Variants in HECW1 observed in about 807,000 individuals in gnomAD.
The protein encoded by HECW1 is HECT, C2 and WW domain containing E3 ubiquitin protein ligase 1.
In HECW1, 61 loss-of-function variants were observed where a neutral mutation model predicts 182.3. The observed-to-expected ratio is 0.33, with a 90% CI of 0.27 to 0.41. The LOEUF (loss-of-function observed/expected upper bound fraction) is 0.41. HECW1 is among the 10% of genes least tolerant of loss of function. The probability of loss-of-function intolerance (pLI) is 1.00; values close to 1 mark genes in which losing one functional copy is unlikely to be tolerated. For missense variants in HECW1, 1,739 were observed against 2,108.9 expected, an observed-to-expected ratio of 0.82 and a Z score of 3.44; for synonymous variants, 859 against 832.6, an observed-to-expected ratio of 1.03 and a Z score of -0.55.
intron 2 of HECW1, among the ~76,000 whole-genome samples, chr7:43,153,030 G>A (rs757026537): frequency 4.6e-5 from 7 of 152,140 alleles, no homozygotes; most frequent in Non-Finnish European, 7.3e-5. Flanking sequence ...AAGAGGATGC[G>A]AGAGCCAGCT....
chr7:43,157,152 C>G (rs748294055), intron 2 of HECW1, among the ~76,000 whole-genome samples: 1 of 152,092 alleles, frequency 6.6e-6, no homozygotes, highest in South Asian at 2.1e-4. Flanking sequence ...TAAAAAAGTA[C>G]CACTCAGACT....
intron 3 of HECW1, chr7:43,274,354 C>T (rs1374319147): frequency 4.2e-6 from 3 of 713,572 alleles, no homozygotes; most frequent in East Asian, 2.8e-5. Flanking sequence ...CTACTGTGGA[C>T]AGGTGTTTGA....
chr7:43,460,037 T>G (rs1246836140), intron 13 of HECW1, among the ~76,000 whole-genome samples: 1 of 152,266 alleles, frequency 6.6e-6, no homozygotes, highest in Non-Finnish European at 1.5e-5. Context: ...TGAAGTTTAG[T>G]TAACCTGATT....
rs574184190 is a variant in HECW1, at chr7:43,546,772, G to T, written c.4249-3673G>T. Among the ~76,000 whole-genome samples, 3 of 152,234 alleles carry T rather than the reference G, an allele frequency of 2.0e-5. No homozygotes were observed. The East Asian group carries it at 5.8e-4, about 29-fold the overall frequency. ...AGCTGGTGTTATCTTTTCTCTTCAA[G>T]GCTCGGGGGTTAAAGCTTTAATGGA... On this transcript the variant is annotated intron_variant, in intron 26 of 29. Transcript: ENST00000395891.
chr7:43,257,452 C>G (rs2152730619), intron 3 of HECW1, among the ~76,000 whole-genome samples: 1 of 152,126 alleles, frequency 6.6e-6, no homozygotes, highest in Middle Eastern at 3.4e-3. Context: ...GGTAAGAAGG[C>G]TGATATTAGT....
At chr7:43,137,528 T>TTTATTTATTTATTTATTTATTTA (rs1562585528) in intron 2 of HECW1, among the ~76,000 whole-genome samples, 5 of 147,544 alleles carry the variant, frequency 3.4e-5, no homozygotes, top group South Asian at 2.2e-4. Flanking sequence ...TTCTGCCTTC[T>TTTATTTATTTATTTATTTATTTA]TTTATTTATT....
chr7:43,416,103 C>A (rs1047324665), intron 8 of HECW1, among the ~76,000 whole-genome samples: 1 of 151,934 alleles, frequency 6.6e-6, no homozygotes, highest in Non-Finnish European at 1.5e-5. Context: ...AGGAGAGATG[C>A]TCTGCGTTTT....
intron 24 of HECW1, among the ~76,000 whole-genome samples, chr7:43,524,787 C>T (rs2080693404): frequency 6.6e-6 from 1 of 152,286 alleles, no homozygotes; most frequent in South Asian, 2.1e-4. Context: ...CTCTAGCTCT[C>T]CCGTGTGCTT....
chr7:43,207,578 C>T (rs965873800), intron 2 of HECW1, among the ~76,000 whole-genome samples: 17 of 152,270 alleles, frequency 1.1e-4, no homozygotes, highest in Middle Eastern at 3.4e-3. Flanking sequence ...ACTGATCCCT[C>T]TTGTCTAGCT....
rs542604653 is a variant in HECW1, at chr7:43,525,367, C to A, written c.4020-15796C>A. ...GAATCAATATATTGCATTCAAAAGT[C>A]TTTTTGTCTGTTGGGAGAGGTTTAA... On this transcript the variant is annotated intron_variant, in intron 24 of 29. Transcript: ENST00000395891. Among the ~76,000 whole-genome samples the A allele has an allele frequency of 3.4e-4, 52 of 152,224 alleles. No homozygotes were observed. The South Asian group carries it at 0.01, about 30-fold the overall frequency.
chr7:43,418,943 G>A (rs1408603294), intron 8 of HECW1, among the ~76,000 whole-genome samples: 1 of 152,170 alleles, frequency 6.6e-6, no homozygotes, highest in Non-Finnish European at 1.5e-5. Flanking sequence ...GCAGACAATT[G>A]ATTTGGCGCA....
At chr7:43,205,130 C>G (rs746283946) in intron 2 of HECW1, among the ~76,000 whole-genome samples, 2 of 151,828 alleles carry the variant, frequency 1.3e-5, no homozygotes, top group Non-Finnish European at 2.9e-5. Context: ...ATTGCCCGGG[C>G]TGGAGTGCAG....
intron 6 of HECW1, among the ~76,000 whole-genome samples, chr7:43,372,581 A>C (rs970195079): frequency 2.0e-5 from 3 of 152,126 alleles, no homozygotes; most frequent in Non-Finnish European, 4.4e-5. Flanking sequence ...TCTTTTTTAA[A>C]AAAATCACAG....
At chr7:43,294,004 G>C (rs920540426) in intron 3 of HECW1, among the ~76,000 whole-genome samples, 1 of 152,168 alleles carries the variant, frequency 6.6e-6, no homozygotes, top group South Asian at 2.1e-4. Context: ...CTGATAATCT[G>C]AGGTGGAACA....
intron 5 of HECW1, among the ~76,000 whole-genome samples, chr7:43,349,453 T>A (rs1272558560): frequency 6.6e-6 from 1 of 152,208 alleles, no homozygotes; most frequent in East Asian, 1.9e-4. Context: ...GTCAGTGAAG[T>A]ATTGAAGTTC....
At chr7:43,214,825 T>C (rs568319610) in intron 2 of HECW1, among the ~76,000 whole-genome samples, 2 of 152,252 alleles carry the variant, frequency 1.3e-5, no homozygotes, top group South Asian at 4.1e-4. Context: ...GAGGGAACCA[T>C]GTGGGGGCAT....
At chr7:43,276,792 T>C (rs1803212056) in intron 3 of HECW1, among the ~76,000 whole-genome samples, 1 of 152,240 alleles carries the variant, frequency 6.6e-6, no homozygotes, top group Non-Finnish European at 1.5e-5. Context: ...GCAAGTTCTT[T>C]ATTTGGCACA....
chr7:43,304,473 T>TATTC (rs1385556092), intron 3 of HECW1, among the ~76,000 whole-genome samples: 6 of 145,084 alleles, frequency 4.1e-5, no homozygotes, highest in Middle Eastern at 6.9e-3. Flanking sequence ...TTTATTTATT[T>TATTC]ATTTATTTAT....
chr7:43,261,551 A>G (rs1801182417), intron 3 of HECW1, among the ~76,000 whole-genome samples: 1 of 152,204 alleles, frequency 6.6e-6, no homozygotes, highest in South Asian at 2.1e-4. Context: ...CCCCTGGTAC[A>G]GGACCGGGCA....
Sources: gnomAD v4.1 joint callset for allele counts (sites outside exome capture counted in the v4.1 genomes callset) on GRCh38, gnomAD v4.1.1 for gene constraint, MANE v1.5 for transcripts, NCBI Gene and HGNC (gene_info 2026-07-23, HGNC 2026-07-21) for gene names.